CAMTA1: variants seen among roughly 807,000 people sequenced by gnomAD.
CAMTA1 encodes calmodulin binding transcription activator 1.
In CAMTA1, 27 loss-of-function variants were observed where a neutral mutation model predicts 170.9. The ratio of observed to expected loss-of-function variants is 0.16; its 90% CI spans 0.12 to 0.22. The LOEUF (loss-of-function observed/expected upper bound fraction) is 0.22, where lower values mean the gene tolerates loss of function less well. CAMTA1 is among the 10% of genes least tolerant of loss of function. The pLI is 1.00. For synonymous variants in CAMTA1, 833 were observed against 891.5 expected, an observed-to-expected ratio of 0.93 and a Z score of 1.17; for missense variants, 1,619 against 2,217.2, an observed-to-expected ratio of 0.73 and a Z score of 5.42.
intron 22 of CAMTA1, 36 bp downstream of exon 22, chr1:7,755,704 C>T (rs759903749): frequency 6.2e-7 from 1 of 1,604,952 alleles, no homozygotes; most frequent in Non-Finnish European, 8.5e-7. Context: ...TTTCTCTTCT[C>T]TTCCATTTTC....
intron 3 of CAMTA1, among the ~76,000 whole-genome samples, chr1:7,062,442 G>GGAAT (rs1248603985): frequency 1.3e-5 from 2 of 152,222 alleles, no homozygotes; most frequent in Non-Finnish European, 2.9e-5. Flanking sequence ...TGAGTGACAG[G>GGAAT]GAATGGGCTG....
At chr1:7,694,238 G>A (rs1413387681) in intron 11 of CAMTA1, 3 of 152,228 alleles carry the variant, frequency 2.0e-5, no homozygotes, top group African/African-American at 7.2e-5. Context: ...TGAGGTGTTT[G>A]TTGTTGTTAA....
At chr1:7,457,059 C>A (rs556049674) in intron 5 of CAMTA1, among the ~76,000 whole-genome samples, 8 of 88,236 alleles carry the variant, frequency 9.1e-5, no homozygotes, top group Non-Finnish European at 1.2e-4. Flanking sequence ...CCCTGCGCCG[C>A]CGTGCCCCTC....
chr1:7,099,724 C>T (rs944496345), intron 4 of CAMTA1, among the ~76,000 whole-genome samples: 2 of 152,098 alleles, frequency 1.3e-5, no homozygotes, highest in Non-Finnish European at 2.9e-5. Context: ...TTCTCTGGAA[C>T]CATCCGGGTT....
At chr1:7,174,790 G>A (rs1650424128) in intron 4 of CAMTA1, among the ~76,000 whole-genome samples, 1 of 152,182 alleles carries the variant, frequency 6.6e-6, no homozygotes, top group African/African-American at 2.4e-5. Flanking sequence ...GAGAAGCTGG[G>A]CATCATTGGT....
Position 7,633,944 on chromosome 1 carries a change from G to A in CAMTA1, c.511-6456G>A, listed in dbSNP as rs1195242805. On this transcript the variant is annotated intron_variant, in intron 6 of 22. Coordinates refer to ENST00000303635, the MANE Select transcript of CAMTA1 (RefSeq NM_015215.4). This position sits in a 1 kb window ranked among gnomAD's most constrained non-coding sequence, Gnocchi z 4.1. ...TGTGGCATGGAGCGTGGCAGCCAGA[G>A]ACCACAGCCCAGGGAGAGAAGCGGC... Among the ~76,000 whole-genome samples the A allele has an allele frequency of 1.3e-5, 2 of 152,252 alleles. No homozygotes were observed.
At chr1:6,820,726 T>C (rs749698846) in intron 2 of CAMTA1, among the ~76,000 whole-genome samples, 1 of 152,188 alleles carries the variant, frequency 6.6e-6, no homozygotes, top group Non-Finnish European at 1.5e-5. Context: ...GAGGATTAAA[T>C]GAAAGAGTGC....
At chr1:7,706,869 C>T (rs2149598053) in intron 11 of CAMTA1, among the ~76,000 whole-genome samples, 1 of 147,606 alleles carries the variant, frequency 6.8e-6, no homozygotes, top group South Asian at 2.1e-4. Context: ...CTGGCGGATG[C>T]ATTATTTCAG....
chr1:7,117,938 A>G (rs1382097714), intron 4 of CAMTA1, among the ~76,000 whole-genome samples: 1 of 150,110 alleles, frequency 6.7e-6, no homozygotes, highest in Non-Finnish European at 1.5e-5. Flanking sequence ...TTCCTACAGA[A>G]CTCCTCTGTT....
chr1:7,181,370 T>C (rs940242051), intron 4 of CAMTA1, among the ~76,000 whole-genome samples: 1 of 152,150 alleles, frequency 6.6e-6, no homozygotes, highest in African/African-American at 2.4e-5. Flanking sequence ...TATCCCACAA[T>C]TGTACTGGAG....
In CAMTA1 at chr1:7,654,905, C is replaced by T. The variant is rs533938661; in HGVS notation, c.665-6821C>T. On this transcript the variant is annotated intron_variant, in intron 7 of 22. Coordinates refer to ENST00000303635, the MANE Select transcript of CAMTA1 (RefSeq NM_015215.4). Reference sequence around the variant, plus strand: ...CTATACACACAAATACATCTATACACCCACAAACACACCCATCTATACACA... The same window carrying T: ...CTATACACACAAATACATCTATACATCCACAAACACACCCATCTATACACA... Among the ~76,000 whole-genome samples the T allele has an allele frequency of 1.2e-4, 17 of 147,802 alleles. No individual in the cohort carries two copies. The East Asian group carries it at 3.3e-3, about 29-fold the overall frequency.
chr1:7,427,985 G>T (rs1275570473), intron 5 of CAMTA1, among the ~76,000 whole-genome samples: 1 of 152,194 alleles, frequency 6.6e-6, no homozygotes, highest in Admixed American at 6.5e-5. Context: ...TGGCAAGGGA[G>T]GCTCCAGGAC....
At chr1:7,412,581 C>A (rs1207019274) in intron 5 of CAMTA1, among the ~76,000 whole-genome samples, 1 of 151,066 alleles carries the variant, frequency 6.6e-6, no homozygotes, top group Non-Finnish European at 1.5e-5. Flanking sequence ...CTGTTCATAT[C>A]CTTCGCCCAC....
rs1183254641 is a variant in CAMTA1 at position 7,251,402 on chromosome 1, T to C, written c.438+1776T>C. Among the ~76,000 whole-genome samples the C allele has an allele frequency of 2.0e-5, 3 of 152,150 alleles. No homozygotes were observed. Among genetic ancestry groups the C allele is most frequent in the Admixed American group, 2.0e-4 (3 of 15,278 alleles). The stretch of plus-strand genomic sequence containing the variant: ...GGCAACAGTCTGTCCCCTCAGAACT[T>C]CGGGAAAGGGAGACGGGCAGGATGG... On this transcript the variant is annotated intron_variant, in intron 5 of 22. Coordinates refer to ENST00000303635, the MANE Select transcript of CAMTA1 (RefSeq NM_015215.4). This position sits in a 1 kb window ranked among gnomAD's most constrained non-coding sequence, Gnocchi z 5.1.
At chr1:6,813,087 G>C (rs1645375222) in intron 1 of CAMTA1, among the ~76,000 whole-genome samples, 2 of 152,186 alleles carry the variant, frequency 1.3e-5, no homozygotes, top group Non-Finnish European at 1.5e-5. Flanking sequence ...GGAGTTGTGA[G>C]GGTTATTATA....
chr1:7,439,161 C>T (rs540871595), intron 5 of CAMTA1, among the ~76,000 whole-genome samples: 9 of 152,142 alleles, frequency 5.9e-5, no homozygotes, highest in Non-Finnish European at 8.8e-5. Context: ...GTGGGGTCTG[C>T]GGTCCTGGGT....
At chr1:7,000,263 G>A (rs1482387319) in intron 3 of CAMTA1, among the ~76,000 whole-genome samples, 1 of 152,242 alleles carries the variant, frequency 6.6e-6, no homozygotes, top group African/African-American at 2.4e-5. Flanking sequence ...TGCGTGGGGA[G>A]GACCCACTCA....
At chr1:6,928,679 G>T (rs912429564) in intron 3 of CAMTA1, among the ~76,000 whole-genome samples, 5 of 152,070 alleles carry the variant, frequency 3.3e-5, no homozygotes, top group Non-Finnish European at 7.4e-5. Context: ...CTCACCCCAG[G>T]ACCTTTGCAC....
rs771138111 is a variant in CAMTA1 at position 6,820,239 on chromosome 1, C to T, written c.104C>T (p.Pro35Leu). Residue 35 changes from proline (P) to leucine (L), a missense_variant, in exon 2 of 23, where the codon CCA becomes CTA. Transcript: ENST00000303635. ...TSTYCVLNTV[P>L]PIEDDHGNSN... ...ACCTACTGTGTTCTCAACACCGTGC[C>T]ACCTATAGAAGGTAGGATTTGAAAA... The T allele has an allele frequency of 1.2e-6, 2 of 1,613,958 alleles. No homozygotes were observed. Among genetic ancestry groups the T allele is most frequent in the East Asian group, 4.5e-5 (2 of 44,886 alleles).
Sources: gnomAD v4.1 joint callset for allele counts (sites outside exome capture counted in the v4.1 genomes callset) on GRCh38, gnomAD v4.1.1 for gene constraint, Gnocchi (gnomAD v3.1) non-coding constraint, MANE v1.5 for transcripts, NCBI Gene and HGNC (gene_info 2026-07-23, HGNC 2026-07-21) for gene names.